RBFOX1: variants seen among roughly 807,000 people sequenced by gnomAD.
RBFOX1 encodes the protein RNA binding protein fox-1 homolog 1.
RBFOX1 carries 8 observed loss-of-function variants against 57.7 expected under a neutral mutation model. That is an observed-to-expected ratio of 0.14 (90% confidence interval 0.08 to 0.25). The LOEUF (loss-of-function observed/expected upper bound fraction) is 0.25. Among genes scored for constraint, RBFOX1 ranks in the 10% least tolerant of loss-of-function variants. The pLI is 1.00. For synonymous variants in RBFOX1, 326 were observed against 222.4 expected, an observed-to-expected ratio of 1.47 and a Z score of -4.15; for missense variants, 611 against 548.5, an observed-to-expected ratio of 1.11 and a Z score of -1.14.
chr16:6,628,715 G>A lies in RBFOX1; in HGVS notation c.-63-25888G>A, dbSNP rs143732304. ...GAAATATACAAACCTTGAAGGGACC[G>A]TTTGATGAGGTTTGACAGCTGAGTA... On this transcript the variant is annotated intron_variant, in intron 2 of 15. Coordinates refer to ENST00000550418, the MANE Select transcript of RBFOX1 (RefSeq NM_018723.4). Among the ~76,000 whole-genome samples, 900 of 152,230 alleles carry A rather than the reference G, an allele frequency of 5.9e-3. 6 individuals carry two copies. The highest frequency in any genetic ancestry group is 0.021 in the African/African-American group (861 of 41,526).
chr16:5,843,767 T>A (rs1033157986), intron 3 of RBFOX1, among the ~76,000 whole-genome samples: 1 of 152,204 alleles, frequency 6.6e-6, no homozygotes, highest in African/African-American at 2.4e-5. Flanking sequence ...GGGATTAAGT[T>A]CAGAATATAG....
chr16:7,309,887 C>T (rs1310878571), intron 4 of RBFOX1, among the ~76,000 whole-genome samples: 1 of 152,122 alleles, frequency 6.6e-6, no homozygotes, highest in African/African-American at 2.4e-5. Context: ...ATCTGCAGAC[C>T]CCTTTTTAAT....
intron 3 of RBFOX1, among the ~76,000 whole-genome samples, chr16:6,976,733 A>G (rs1457556452): frequency 6.8e-6 from 1 of 147,710 alleles, no homozygotes; most frequent in Non-Finnish European, 1.5e-5. Flanking sequence ...TATATCATGT[A>G]TCATACATAT....
rs573199130 is a variant in RBFOX1, at chr16:7,419,459, C to T, written c.28-98688C>T. Among the ~76,000 whole-genome samples the T allele has an allele frequency of 5.9e-5, 9 of 152,358 alleles. 1 individual carries two copies. In the East Asian group the frequency reaches 1.7e-3, roughly 29 times the overall value. On this transcript the variant is annotated intron_variant, in intron 4 of 15. Coordinates refer to ENST00000550418, the MANE Select transcript of RBFOX1 (RefSeq NM_018723.4). Reference sequence around the variant, plus strand: ...CGCCTTGGCGCAATGCAACCGGCACCTTTGAGGGGGCAGATTGTATTGTGC... The same window carrying T: ...CGCCTTGGCGCAATGCAACCGGCACTTTTGAGGGGGCAGATTGTATTGTGC...
At chr16:7,186,590 A>G (rs1355109136) in intron 4 of RBFOX1, among the ~76,000 whole-genome samples, 1 of 140,008 alleles carries the variant, frequency 7.1e-6, no homozygotes, top group Non-Finnish European at 1.5e-5. Context: ...ATAAGCTTAA[A>G]CATATTTATA....
At chr16:6,873,879 G>T (rs917596617) in intron 3 of RBFOX1, 6 of 152,130 alleles carry the variant, frequency 3.9e-5, no homozygotes, top group African/African-American at 1.2e-4. Flanking sequence ...AGGAAGCATA[G>T]TATCTGAAAT....
chr16:7,704,668 A>T (rs1216403783), intron 14 of RBFOX1, among the ~76,000 whole-genome samples: 1 of 152,194 alleles, frequency 6.6e-6, no homozygotes, highest in East Asian at 1.9e-4. Flanking sequence ...GGTGAAAGGT[A>T]AATGATCAGG....
intron 1 of RBFOX1, among the ~76,000 whole-genome samples, chr16:5,277,642 C>G (rs1346563188): frequency 1.3e-5 from 2 of 152,118 alleles, no homozygotes; most frequent in Non-Finnish European, 2.9e-5. Flanking sequence ...CTCCAGGGCA[C>G]ACAAGTCCAT....
At chr16:6,406,032 CCT>C (rs1345905138) in intron 2 of RBFOX1, among the ~76,000 whole-genome samples, 7 of 152,184 alleles carry the variant, frequency 4.6e-5, no homozygotes, top group Admixed American at 6.5e-5. Context: ...GAACTTGTCT[CCT>C]CTCATTAACA....
intron 3 of RBFOX1, among the ~76,000 whole-genome samples, chr16:6,974,391 C>T (rs144131016): frequency 2.6e-5 from 3 of 116,956 alleles, no homozygotes; most frequent in African/African-American, 3.4e-5. Context: ...GTTGCCCAGG[C>T]TGGAGTGCAA....
At chr16:7,268,234 C>A (rs1161304616) in intron 4 of RBFOX1, among the ~76,000 whole-genome samples, 1 of 152,178 alleles carries the variant, frequency 6.6e-6, no homozygotes, top group African/African-American at 2.4e-5. Context: ...AGTTACTGAA[C>A]TGAAATGTGG....
intron 3 of RBFOX1, among the ~76,000 whole-genome samples, chr16:6,818,042 A>G (rs1044060258): frequency 1.3e-5 from 2 of 152,110 alleles, no homozygotes; most frequent in Admixed American, 1.3e-4. Context: ...CTGCTCTCCT[A>G]TATCTCACAT....
chr16:6,728,048 G>A (rs554847015), intron 3 of RBFOX1, among the ~76,000 whole-genome samples: 6 of 152,214 alleles, frequency 3.9e-5, no homozygotes, highest in Non-Finnish European at 8.8e-5. Flanking sequence ...TGAGATCTAA[G>A]TAACATAATG....
chr16:6,539,475 G>C (rs1392902083), intron 2 of RBFOX1, among the ~76,000 whole-genome samples: 1 of 151,916 alleles, frequency 6.6e-6, no homozygotes, highest in Non-Finnish European at 1.5e-5. Flanking sequence ...ACATAGTTTG[G>C]GTCTATTTGC....
intron 4 of RBFOX1, among the ~76,000 whole-genome samples, chr16:7,439,540 G>C (rs888564804): frequency 2.0e-5 from 3 of 152,118 alleles, no homozygotes; most frequent in Non-Finnish European, 4.4e-5. Flanking sequence ...TAGGAGATTT[G>C]CAAATATCTC....
intron 5 of RBFOX1, among the ~76,000 whole-genome samples, chr16:7,533,299 G>T (rs11646183): frequency 0.04 from 6,057 of 152,228 alleles, 177 homozygotes; most frequent in East Asian, 0.1. Flanking sequence ...GAAAGAAAAT[G>T]AAAAATGTGT....
At chr16:6,703,595 G>C (rs576968237) in intron 3 of RBFOX1, among the ~76,000 whole-genome samples, 2 of 151,914 alleles carry the variant, frequency 1.3e-5, no homozygotes, top group African/African-American at 2.4e-5. Context: ...CTGTAGTTCT[G>C]ACTTGGGAGG....
At chr16:5,596,321 C>G (rs2047181379) in intron 2 of RBFOX1, among the ~76,000 whole-genome samples, 1 of 152,184 alleles carries the variant, frequency 6.6e-6, no homozygotes, top group African/African-American at 2.4e-5. Flanking sequence ...CCCTGGAAGA[C>G]TCTTAATTTT....
At chr16:7,187,400 A>G (rs1228437371) in intron 4 of RBFOX1, among the ~76,000 whole-genome samples, 1 of 152,008 alleles carries the variant, frequency 6.6e-6, no homozygotes, top group Non-Finnish European at 1.5e-5. Flanking sequence ...TACTATAAGA[A>G]AGCCCTTGGC....
Sources: gnomAD v4.1 joint callset for allele counts (sites outside exome capture counted in the v4.1 genomes callset) on GRCh38, gnomAD v4.1.1 for gene constraint, MANE v1.5 for transcripts, NCBI Gene and HGNC (gene_info 2026-07-23, HGNC 2026-07-21) for gene names.